KLHL1: variants seen among roughly 807,000 people sequenced by gnomAD.
KLHL1 encodes kelch-like protein 1.
In KLHL1, 47 loss-of-function variants were observed where a neutral mutation model predicts 77.7. The observed-to-expected ratio is 0.60, with a 90% CI of 0.48 to 0.77. The LOEUF is 0.77. Ranked by LOEUF, KLHL1 falls within the 30% of genes least tolerant of loss-of-function variation. The pLI, the probability that KLHL1 is intolerant of heterozygous loss-of-function variation, is 0.00. For synonymous variants in KLHL1, 360 were observed against 325.2 expected (o/e 1.11, Z -1.15); for missense variants, 925 against 910.8 (o/e 1.02, Z -0.20).
At chr13:69,845,282 A>G (rs1879415530) in intron 5 of KLHL1, among the ~76,000 whole-genome samples, 1 of 151,592 alleles carries the variant, frequency 6.6e-6, no homozygotes, top group African/African-American at 2.4e-5. Flanking sequence ...ATTACAAAAC[A>G]TATTTTGTTG....
At chr13:69,934,610 T>C (rs1437932245) in intron 4 of KLHL1, among the ~76,000 whole-genome samples, 1 of 152,006 alleles carries the variant, frequency 6.6e-6, no homozygotes, top group Non-Finnish European at 1.5e-5. Context: ...TGGCATATTA[T>C]TATATTCCAG....
At chr13:70,103,426 A>C (rs1887972620) in intron 1 of KLHL1, among the ~76,000 whole-genome samples, 1 of 152,028 alleles carries the variant, frequency 6.6e-6, no homozygotes, top group African/African-American at 2.4e-5. Flanking sequence ...TTTGGTGGGG[A>C]AAAAGGAGAA....
chr13:69,919,631 T>G (rs1242505312), intron 4 of KLHL1, among the ~76,000 whole-genome samples: 2 of 151,926 alleles, frequency 1.3e-5, no homozygotes, highest in African/African-American at 4.8e-5. Context: ...TAATAGGAAG[T>G]TAAGGATAGG....
chr13:69,972,061 A>T (rs1228482033), intron 2 of KLHL1, among the ~76,000 whole-genome samples: 28 of 151,978 alleles, frequency 1.8e-4, no homozygotes, highest in Admixed American at 1.8e-3. Context: ...ATTTAGGTGG[A>T]TGGATGATTT....
In KLHL1 at chr13:69,713,704, A is replaced by G. The variant is rs1433421170; in HGVS notation, c.2015+5665T>C. Among the ~76,000 whole-genome samples the G allele has an allele frequency of 2.0e-5, 3 of 150,092 alleles. No homozygotes were observed. The East Asian group carries it at 5.8e-4, about 29-fold the overall frequency. On this transcript the variant is annotated intron_variant, in intron 9 of 10. Transcript: ENST00000377844. ...AGATCCTAATATATTTGAAATGAGAATATTTTTTTTTCATATTTTAGTTTA... is the reference window on the plus strand; with the variant it reads ...AGATCCTAATATATTTGAAATGAGAGTATTTTTTTTTCATATTTTAGTTTA...
Position 70,107,488 on chromosome 13 carries a change from T to C in KLHL1, c.212A>G (p.Lys71Arg), listed in dbSNP as rs1179863044. 1 of 1,610,508 alleles carries C rather than the reference T, an allele frequency of 6.2e-7. No homozygotes were observed. Among genetic ancestry groups the C allele is most frequent in the Non-Finnish European group, 8.5e-7 (1 of 1,179,788 alleles). Residue 71 changes from lysine (K) to arginine (R), a missense_variant, in exon 1 of 11, where the codon AAG becomes AGG. Transcript: ENST00000377844. Reference sequence around the variant, plus strand: ...CGATGAAGAGGAAGAGGAGGAAGGCTTCTTCCAGAAAGTGCTCACACCGCT... The same window carrying C: ...CGATGAAGAGGAAGAGGAGGAAGGCCTCTTCCAGAAAGTGCTCACACCGCT... ...ERSGVSTFWKKPSSSSSSSSS... is the reference protein window; with the variant it reads ...ERSGVSTFWKRPSSSSSSSSS...
At chr13:69,837,774 A>C (rs1879086476) in intron 6 of KLHL1, among the ~76,000 whole-genome samples, 1 of 150,450 alleles carries the variant, frequency 6.6e-6, no homozygotes, top group Non-Finnish European at 1.5e-5. Flanking sequence ...AGACTACCCC[A>C]GATGGAAGAC....
At chr13:69,967,535 G>A (rs9317853) in intron 2 of KLHL1, among the ~76,000 whole-genome samples, 1 of 151,962 alleles carries the variant, frequency 6.6e-6, no homozygotes. Flanking sequence ...TTGAGATGGT[G>A]TCTACTCCTG....
chr13:70,049,358 T>C (rs945743570), intron 1 of KLHL1, among the ~76,000 whole-genome samples: 1 of 152,184 alleles, frequency 6.6e-6, no homozygotes, highest in Non-Finnish European at 1.5e-5. Flanking sequence ...CTTTTAAAAT[T>C]TTACTACCCA....
chr13:70,107,130 G>A (rs963571025), intron 1 of KLHL1, 73 bp downstream of exon 1: 3 of 1,516,408 alleles, frequency 2.0e-6, no homozygotes, highest in East Asian at 2.3e-5. Context: ...AGACTTAGTA[G>A]CCACATGAGC....
chr13:69,798,476 T>C (rs763217330), intron 6 of KLHL1, among the ~76,000 whole-genome samples: 6 of 152,148 alleles, frequency 3.9e-5, no homozygotes, highest in Non-Finnish European at 8.8e-5. Context: ...AAATTATAGG[T>C]TCATTCCAAT....
At chr13:70,061,754 T>C (rs908620227) in intron 1 of KLHL1, among the ~76,000 whole-genome samples, 1 of 152,202 alleles carries the variant, frequency 6.6e-6, no homozygotes, top group Non-Finnish European at 1.5e-5. Context: ...GCTATCACAG[T>C]TTCTCTTTTT....
intron 6 of KLHL1, among the ~76,000 whole-genome samples, chr13:69,822,531 G>T (rs1191850521): frequency 1.3e-5 from 2 of 152,066 alleles, no homozygotes; most frequent in Non-Finnish European, 2.9e-5. Context: ...CCAAATACAT[G>T]AAGTCATTAC....
intron 6 of KLHL1, among the ~76,000 whole-genome samples, chr13:69,811,690 C>G (rs1877887919): frequency 6.6e-6 from 1 of 152,128 alleles, no homozygotes; most frequent in African/African-American, 2.4e-5. Flanking sequence ...CATGTTATCT[C>G]TCTTCACTGA....
intron 5 of KLHL1, among the ~76,000 whole-genome samples, chr13:69,862,042 A>T (rs1347861488): frequency 6.6e-6 from 1 of 151,404 alleles, no homozygotes; most frequent in East Asian, 1.9e-4. Context: ...CTTGAAGTTG[A>T]TTAGCAATGA....
In KLHL1 at chr13:69,845,723, CAT is replaced by C. The variant is rs570181949; in HGVS notation, c.1228-6563_1228-6562del. On this transcript the variant is annotated intron_variant, in intron 5 of 10. Transcript: ENST00000377844. ...AAATGATGATAAAATTTAATACTAA[CAT>C]GAATATTTCTATGAAGGTAATGAAC... is the stretch of plus-strand genomic sequence containing the variant. Among the ~76,000 whole-genome samples the C allele has an allele frequency of 4.4e-4, 66 of 151,528 alleles. No individual in the cohort carries two copies. The South Asian group carries it at 6.2e-3, about 14-fold the overall frequency.
intron 9 of KLHL1, among the ~76,000 whole-genome samples, chr13:69,718,315 A>G (rs751459121): frequency 1.5e-4 from 23 of 152,108 alleles, no homozygotes; most frequent in Admixed American, 6.6e-4. Flanking sequence ...AGAGAATTCT[A>G]TTACTTGCAG....
intron 1 of KLHL1, among the ~76,000 whole-genome samples, chr13:70,061,381 T>C (rs981294086): frequency 1.5e-5 from 2 of 135,700 alleles, no homozygotes; most frequent in Non-Finnish European, 3.3e-5. Context: ...TTTCTAAAAT[T>C]TTCTTTTATT....
At chr13:69,818,245 G>A (rs1196779198) in intron 6 of KLHL1, among the ~76,000 whole-genome samples, 13 of 95,046 alleles carry the variant, frequency 1.4e-4, no homozygotes, top group African/African-American at 6.9e-4. Context: ...TTTTTGAGAC[G>A]GAGTCTTGCT....
Sources: gnomAD v4.1 joint callset for allele counts (sites outside exome capture counted in the v4.1 genomes callset) on GRCh38, gnomAD v4.1.1 for gene constraint, MANE v1.5 for transcripts, NCBI Gene and HGNC (gene_info 2026-07-23, HGNC 2026-07-21) for gene names.